The following MYO3A variants were observed in gnomAD, a reference collection of about 807,000 sequenced individuals.
MYO3A encodes the protein myosin IIIA, also known as myosin-IIIa.
MYO3A carries 180 observed loss-of-function variants against 192.7 expected under a neutral mutation model. That is an observed-to-expected ratio of 0.93 (90% CI 0.83 to 1.06). The LOEUF is 1.06. Among genes scored for constraint, MYO3A ranks in the 50% least tolerant of loss-of-function variants. The pLI is 0.00. For missense variants in MYO3A, 1,896 were observed against 1,905.0 expected (o/e 1.00, Z 0.09); for synonymous variants, 628 against 645.3 (o/e 0.97, Z 0.41).
intron 15 of MYO3A, among the ~76,000 whole-genome samples, chr10:26,093,244 T>C (rs1836810817): frequency 6.6e-6 from 1 of 152,208 alleles, no homozygotes; most frequent in Non-Finnish European, 1.5e-5. Context: ...ATGTTAACAA[T>C]CACATTGTTA....
chr10:25,975,595 G>A (rs1564420467), intron 4 of MYO3A, among the ~76,000 whole-genome samples: 4 of 152,088 alleles, frequency 2.6e-5, no homozygotes, highest in Admixed American at 1.3e-4. Context: ...TCTCAACAAT[G>A]TTGAAAGAAG....
intron 2 of MYO3A, among the ~76,000 whole-genome samples, chr10:25,940,606 G>A (rs1466114694): frequency 6.6e-6 from 1 of 151,990 alleles, no homozygotes; most frequent in African/African-American, 2.4e-5. Context: ...ATATCCTTTA[G>A]AAGTGCTCTT....
intron 23 of MYO3A, among the ~76,000 whole-genome samples, chr10:26,150,732 T>C (rs1474320990): frequency 6.6e-6 from 1 of 152,174 alleles, no homozygotes. Context: ...TTCCTAGACA[T>C]GTGTTAATTT....
intron 10 of MYO3A, among the ~76,000 whole-genome samples, chr10:26,048,193 C>T (rs72795817): frequency 0.16 from 24,736 of 152,130 alleles, 2,302 homozygotes; most frequent in Non-Finnish European, 0.21. Context: ...GCCAGGAACA[C>T]AGGGCTTTAT....
At chr10:26,149,054 C>G (rs1404807298) in intron 23 of MYO3A, among the ~76,000 whole-genome samples, 10 of 151,938 alleles carry the variant, frequency 6.6e-5, no homozygotes, top group Non-Finnish European at 1.5e-5. Flanking sequence ...AACACTCTTG[C>G]CTTTTTCCTG....
At chr10:26,176,967 C>A in intron 31 of MYO3A, 122 bp downstream of exon 31, 1 of 1,157,588 alleles carries the variant, frequency 8.6e-7, no homozygotes, top group Non-Finnish European at 1.3e-6. Flanking sequence ...TTAGGAGAAC[C>A]TTTATTTCAT....
chr10:26,110,593 TGA>T (rs1308652987), intron 17 of MYO3A, among the ~76,000 whole-genome samples: 1 of 152,150 alleles, frequency 6.6e-6, no homozygotes, highest in Non-Finnish European at 1.5e-5. Context: ...ACCTTTTGTC[TGA>T]GAGTTGAAAG....
intron 9 of MYO3A, among the ~76,000 whole-genome samples, chr10:26,025,298 G>A (rs1337602794): frequency 6.6e-6 from 1 of 151,726 alleles, no homozygotes; most frequent in Admixed American, 6.6e-5. Flanking sequence ...CTCAAGCCAA[G>A]GCATGAGTTT....
chr10:26,173,166 A>T (rs570864598), intron 29 of MYO3A, among the ~76,000 whole-genome samples: 2 of 152,270 alleles, frequency 1.3e-5, no homozygotes, highest in South Asian at 4.1e-4. Context: ...GTATTACATG[A>T]TCATGAACTG....
At chr10:25,943,845 G>C (rs1836663804) in intron 2 of MYO3A, among the ~76,000 whole-genome samples, 1 of 150,236 alleles carries the variant, frequency 6.7e-6, no homozygotes, top group South Asian at 2.1e-4. Context: ...AATAGTCTGT[G>C]AACAGAGATA....
chr10:26,157,204 T>C (rs1421397524), intron 25 of MYO3A, 106 bp from the exon 26 acceptor site: 7 of 1,020,472 alleles, frequency 6.9e-6, no homozygotes, highest in African/African-American at 1.6e-5. Context: ...GGAGCATTTA[T>C]AACATTCATT....
chr10:26,107,951 TA>T (rs1837930204), intron 17 of MYO3A, among the ~76,000 whole-genome samples: 1 of 152,186 alleles, frequency 6.6e-6, no homozygotes, highest in African/African-American at 2.4e-5. Context: ...TCTTTTTTTT[TA>T]AGAGAATACT....
intron 4 of MYO3A, among the ~76,000 whole-genome samples, chr10:25,993,440 T>C (rs548005323): frequency 1.6e-4 from 25 of 152,290 alleles, no homozygotes; most frequent in Admixed American, 5.2e-4. Context: ...ATTGATGATT[T>C]TGTTGATTTT....
rs114644337 is a variant in MYO3A, at chr10:26,005,118, C to T, written c.508+7860C>T. On this transcript the variant is annotated intron_variant, in intron 6 of 34. Transcript: ENST00000642920. ...GATTACAGGGGAGAAGACTGGCAGA[C>T]ACAACCATTAATCAAGTGCTCAAAG... 5.2e-3 allele frequency among the ~76,000 whole-genome samples: 791 copies of T among 152,192 alleles called. 7 individuals carry two copies. The highest frequency in any genetic ancestry group is 0.018 in the African/African-American group (749 of 41,524).
At chr10:26,103,496 T>C (rs775515876) in intron 17 of MYO3A, among the ~76,000 whole-genome samples, 1 of 152,238 alleles carries the variant, frequency 6.6e-6, no homozygotes, top group Non-Finnish European at 1.5e-5. Flanking sequence ...GAGCTGTTCC[T>C]ATTCGGCCAT....
intron 10 of MYO3A, among the ~76,000 whole-genome samples, chr10:26,058,332 G>T (rs1834247663): frequency 6.6e-6 from 1 of 151,780 alleles, no homozygotes; most frequent in South Asian, 2.1e-4. Flanking sequence ...TTGCCTTTTA[G>T]CACTGAAAAT....
chr10:26,018,088 T>C (rs1343559826), intron 7 of MYO3A, among the ~76,000 whole-genome samples: 1 of 151,534 alleles, frequency 6.6e-6, no homozygotes, highest in Non-Finnish European at 1.5e-5. Flanking sequence ...ATTCAATATT[T>C]AAATTTCCAT....
chr10:26,174,624 C>G (rs765992443), intron 30 of MYO3A, 67 bp downstream of exon 30: 2 of 1,319,180 alleles, frequency 1.5e-6, no homozygotes, highest in Non-Finnish European at 1.1e-6. Context: ...CTGAATTAAA[C>G]ACATAATTAA....
chr10:26,168,923 A>T, intron 28 of MYO3A, 49 bp downstream of exon 28: 1 of 1,551,964 alleles, frequency 6.4e-7, no homozygotes, highest in Non-Finnish European at 8.8e-7. Context: ...AAATCTTATA[A>T]TACTTCTTAC....
Sources: allele counts gnomAD v4.1 joint callset (sites outside exome capture counted in the v4.1 genomes callset), GRCh38; gene constraint gnomAD v4.1.1; transcripts MANE v1.5; gene names NCBI Gene and HGNC (gene_info 2026-07-23, HGNC 2026-07-21).